Variants in MTUS2 observed in about 807,000 individuals in gnomAD.
MTUS2 encodes the protein microtubule associated scaffold protein 2, also known as microtubule-associated tumor suppressor candidate 2.
Under a neutral mutation model 114.1 loss-of-function variants are expected in MTUS2, and 40 were observed. That is an observed-to-expected ratio of 0.35 (90% CI 0.27 to 0.46). MTUS2 has a LOEUF of 0.46. MTUS2 is among the 20% of genes least tolerant of loss of function. The probability of loss-of-function intolerance (pLI) is 1.00; values close to 1 mark genes in which losing one functional copy is unlikely to be tolerated. For missense variants in MTUS2, 1,679 were observed against 1,705.4 expected (o/e 0.98, Z 0.27); for synonymous variants, 688 against 672.0 (o/e 1.02, Z -0.37).
intron 2 of MTUS2, among the ~76,000 whole-genome samples, chr13:28,993,123 T>G (rs995713348): frequency 3.3e-5 from 5 of 152,378 alleles, no homozygotes; most frequent in African/African-American, 1.2e-4. Flanking sequence ...CACATTTGTT[T>G]ATCCATTTAT....
At chr13:29,135,712 G>T (rs544668984) in intron 5 of MTUS2, among the ~76,000 whole-genome samples, 4 of 151,140 alleles carry the variant, frequency 2.6e-5, no homozygotes, top group Non-Finnish European at 5.9e-5. Flanking sequence ...TAGTAATTTT[G>T]AGATTACCAT....
intron 6 of MTUS2, among the ~76,000 whole-genome samples, chr13:29,300,164 A>T (rs764690930): frequency 5.3e-5 from 8 of 152,210 alleles, no homozygotes; most frequent in Non-Finnish European, 8.8e-5. Context: ...GTAATTTTAG[A>T]TAATATGGAA....
rs973915261 is a variant in MTUS2 at position 29,324,657 on chromosome 13, G to A, written c.2851G>A (p.Ala951Thr). ...GAAAGATCAAGATACGAATAAACCT[G>A]CTGTTTCATCTCCTAAGAGAGTAGC... ...AQKDQDTNKP[A>T]VSSPKRVAAS... is the part of the protein sequence containing the mutation. Residue 951 changes from alanine to threonine, a missense_variant, in exon 7 of 16, where the codon GCT becomes ACT. Transcript: ENST00000612955. 2.5e-6 allele frequency: 4 copies of A among 1,597,298 alleles called. No homozygotes were observed. Among genetic ancestry groups the A allele is most frequent in the Non-Finnish European group, 3.4e-6 (4 of 1,171,560 alleles).
chr13:29,004,860 G>A (rs1266233806), intron 2 of MTUS2, among the ~76,000 whole-genome samples: 1 of 152,186 alleles, frequency 6.6e-6, no homozygotes, highest in Non-Finnish European at 1.5e-5. Flanking sequence ...CAAGCCTATA[G>A]CAAATAGTTG....
chr13:28,888,330 G>C (rs893953056), intron 2 of MTUS2, among the ~76,000 whole-genome samples: 4 of 151,626 alleles, frequency 2.6e-5, no homozygotes, highest in Admixed American at 6.6e-5. Context: ...GACAGTGAAA[G>C]TAGAGAGAAC....
rs538474915 is a variant in MTUS2, at chr13:29,456,846, T to C, written c.3184+16797T>C. 2.6e-5 allele frequency among the ~76,000 whole-genome samples: 4 copies of C among 152,134 alleles called. No homozygotes were observed. The South Asian group carries it at 8.3e-4, about 32-fold the overall frequency. ...AAAATGGTAAATATGTGGATAAATATAAAAGACTAGGCCGGGCACGGTGGC... is the reference window on the plus strand; with the variant it reads ...AAAATGGTAAATATGTGGATAAATACAAAAGACTAGGCCGGGCACGGTGGC... On this transcript the variant is annotated intron_variant, in intron 9 of 15. Coordinates refer to ENST00000612955, the MANE Select transcript of MTUS2 (RefSeq NM_001033602.4).
intron 2 of MTUS2, among the ~76,000 whole-genome samples, chr13:28,999,312 C>A (rs1282823517): frequency 6.6e-6 from 1 of 152,172 alleles, no homozygotes; most frequent in East Asian, 1.9e-4. Flanking sequence ...TGGGGGGTTC[C>A]TCCCAGTTAG....
At chr13:29,479,459 C>T (rs1463655055) in intron 9 of MTUS2, among the ~76,000 whole-genome samples, 1 of 152,194 alleles carries the variant, frequency 6.6e-6, no homozygotes, top group East Asian at 1.9e-4. Flanking sequence ...CTGTCATTGC[C>T]TCATGCCCTG....
intron 8 of MTUS2, among the ~76,000 whole-genome samples, chr13:29,364,514 G>C (rs1197932366): frequency 6.6e-6 from 1 of 152,226 alleles, no homozygotes; most frequent in African/African-American, 2.4e-5. Flanking sequence ...AGCTCACCTT[G>C]AGTGCTCCAT....
chr13:28,867,257 A>G (rs1877354193), intron 2 of MTUS2, among the ~76,000 whole-genome samples: 1 of 152,218 alleles, frequency 6.6e-6, no homozygotes, highest in African/African-American at 2.4e-5. Flanking sequence ...AAACTTGCTA[A>G]TGGCTTTAGC....
At chr13:28,903,458 C>A (rs1455448716) in intron 2 of MTUS2, among the ~76,000 whole-genome samples, 1 of 139,424 alleles carries the variant, frequency 7.2e-6, no homozygotes, top group Non-Finnish European at 1.5e-5. Context: ...GTTCCCCTTC[C>A]TGTGTCCATG....
chr13:29,284,130 T>C (rs541141116), intron 6 of MTUS2, among the ~76,000 whole-genome samples: 3 of 152,074 alleles, frequency 2.0e-5, no homozygotes, highest in Non-Finnish European at 4.4e-5. Context: ...CTCTTTGAAG[T>C]AGAAAAAGAC....
At chr13:29,097,205 A>G (rs1056527328) in intron 4 of MTUS2, among the ~76,000 whole-genome samples, 37 of 152,206 alleles carry the variant, frequency 2.4e-4, no homozygotes, top group Non-Finnish European at 2.9e-4. Context: ...TTCAAGTGCC[A>G]CTGACTTTCA....
At chr13:29,030,608 G>T (rs543899188) in intron 3 of MTUS2, among the ~76,000 whole-genome samples, 1 of 152,216 alleles carries the variant, frequency 6.6e-6, no homozygotes, top group African/African-American at 2.4e-5. Context: ...AAAAACAGCC[G>T]ACTTCTTCTG....
At chr13:29,428,184 A>G (rs1876687977) in intron 8 of MTUS2, among the ~76,000 whole-genome samples, 1 of 152,260 alleles carries the variant, frequency 6.6e-6, no homozygotes, top group Non-Finnish European at 1.5e-5. Context: ...CAAATTAGAA[A>G]ATGAGAAATT....
chr13:29,045,424 A>C (rs1309624610), intron 4 of MTUS2, among the ~76,000 whole-genome samples: 2 of 152,170 alleles, frequency 1.3e-5, no homozygotes, highest in Non-Finnish European at 2.9e-5. Flanking sequence ...TCAGGACCTA[A>C]TCACCTCTCA....
chr13:28,967,003 G>A (rs1883626177), intron 2 of MTUS2, among the ~76,000 whole-genome samples: 1 of 152,120 alleles, frequency 6.6e-6, no homozygotes, highest in Non-Finnish European at 1.5e-5. Context: ...CTGTTACCAC[G>A]ATCTGGCAGT....
intron 4 of MTUS2, among the ~76,000 whole-genome samples, chr13:29,100,530 T>C (rs1477845074): frequency 6.6e-6 from 1 of 152,174 alleles, no homozygotes; most frequent in Non-Finnish European, 1.5e-5. Context: ...TCTGCCTAAG[T>C]AGACGGTAAA....
intron 2 of MTUS2, among the ~76,000 whole-genome samples, chr13:28,864,674 A>G (rs149549607): frequency 5.3e-4 from 81 of 152,310 alleles, no homozygotes; most frequent in Non-Finnish European, 9.7e-4. Flanking sequence ...TTACTAAACA[A>G]AAATACCCCA....
Sources: allele counts gnomAD v4.1 joint callset (sites outside exome capture counted in the v4.1 genomes callset), GRCh38; gene constraint gnomAD v4.1.1; transcripts MANE v1.5; gene names NCBI Gene and HGNC (gene_info 2026-07-23, HGNC 2026-07-21).